SIPA1L1: variants seen among roughly 807,000 people sequenced by gnomAD.
The protein encoded by SIPA1L1 is signal-induced proliferation-associated 1-like protein 1.
A neutral mutation model predicts 162.7 loss-of-function variants in SIPA1L1; 26 were observed. That is an observed-to-expected ratio of 0.16 (90% CI 0.12 to 0.22). The LOEUF (loss-of-function observed/expected upper bound fraction) is 0.22, where lower values mean the gene tolerates loss of function less well. Among genes scored for constraint, SIPA1L1 ranks in the 10% least tolerant of loss-of-function variants. The pLI is 1.00. For missense variants in SIPA1L1, 1,874 were observed against 2,241.0 expected (o/e 0.84, Z 3.31); for synonymous variants, 829 against 837.4 (o/e 0.99, Z 0.17).
intron 2 of SIPA1L1, among the ~76,000 whole-genome samples, chr14:71,453,924 G>A (rs544496234): frequency 4.2e-5 from 6 of 143,806 alleles, no homozygotes; most frequent in Non-Finnish European, 8.9e-5. Flanking sequence ...AACCTGGGAG[G>A]CAAAAGTTGC....
chr14:71,546,812 C>CATGTAAAG, intron 4 of SIPA1L1, among the ~76,000 whole-genome samples: 1 of 152,124 alleles, frequency 6.6e-6, no homozygotes, highest in Non-Finnish European at 1.5e-5. Context: ...ATGGATGCTT[C>CATGTAAAG]CCTTGGACCT....
intron 4 of SIPA1L1, among the ~76,000 whole-genome samples, chr14:71,564,978 T>A (rs541673569): frequency 3.7e-4 from 57 of 152,310 alleles, no homozygotes; most frequent in African/African-American, 1.3e-3. Context: ...GCTGTTTCTG[T>A]CCCTATAAAG....
intron 2 of SIPA1L1, among the ~76,000 whole-genome samples, chr14:71,433,123 T>G (rs907052066): frequency 2.6e-5 from 4 of 152,210 alleles, no homozygotes; most frequent in African/African-American, 9.6e-5. Flanking sequence ...TATTCTGCTG[T>G]ATAGTGTTAG....
intron 2 of SIPA1L1, among the ~76,000 whole-genome samples, chr14:71,391,880 G>A (rs2040788769): frequency 6.6e-6 from 1 of 152,192 alleles, no homozygotes; most frequent in Non-Finnish European, 1.5e-5. Flanking sequence ...GTGTGTAGTA[G>A]TAGATCAAGG....
Position 71,624,192 on chromosome 14 carries a change from A to G in SIPA1L1, c.1774A>G (p.Thr592Ala). Residue 592 changes from threonine to alanine, a missense_variant, in exon 7 of 24, where the codon ACA becomes GCA. This residue lies in a region of SIPA1L1 where 685 missense variants were observed against 828.0 expected (regional missense o/e 0.83). Transcript: ENST00000381232. ...CCAGTGCCTGCGGTTGGCCTTCAACACACCCAAGGTCACAGAGCAGCTCAT... is the reference window on the plus strand; with the variant it reads ...CCAGTGCCTGCGGTTGGCCTTCAACGCACCCAAGGTCACAGAGCAGCTCAT... ...NVQCLRLAFN[T>A]PKVTEQLMKL... 1 of 1,614,060 alleles carries G rather than the reference A, an allele frequency of 6.2e-7. No homozygotes were observed.
chr14:71,543,947 A>ACATACGCACATG (rs2054773250), intron 4 of SIPA1L1, among the ~76,000 whole-genome samples: 1 of 150,366 alleles, frequency 6.7e-6, no homozygotes, highest in East Asian at 2.0e-4. Context: ...GTATATATAC[A>ACATACGCACATG]TATACGCACA....
chr14:71,622,796 C>T (rs747067804), intron 6 of SIPA1L1, among the ~76,000 whole-genome samples: 66 of 152,274 alleles, frequency 4.3e-4, no homozygotes, highest in Non-Finnish European at 6.6e-4. Flanking sequence ...CGTCCCCCTA[C>T]GAACACGTCC....
At position 71,698,974 on chromosome 14, in the gene SIPA1L1, C is replaced by T. The variant is rs905118158; in HGVS notation, c.3375-7C>T. ...GTTGACTTCATGTTTTTGTATTGCA[C>T]ATGCAGGCTGTCTCCTGGTTCGGAC... On this transcript the variant is annotated splice_region_variant and splice_polypyrimidine_tract_variant and intron_variant, in intron 13 of 23. Transcript: ENST00000381232. The T allele has an allele frequency of 3.1e-6, 5 of 1,614,012 alleles. No individual in the cohort carries two copies. The highest frequency in any genetic ancestry group is 4.2e-6 in the Non-Finnish European group (5 of 1,179,968).
At chr14:71,562,746 C>T (rs1234922160) in intron 4 of SIPA1L1, among the ~76,000 whole-genome samples, 3 of 152,092 alleles carry the variant, frequency 2.0e-5, no homozygotes, top group African/African-American at 4.8e-5. Context: ...CTTCCACTCC[C>T]GGGTTCAAGC....
At chr14:71,469,748 T>C (rs998683584) in intron 2 of SIPA1L1, among the ~76,000 whole-genome samples, 2 of 152,226 alleles carry the variant, frequency 1.3e-5, no homozygotes, top group Non-Finnish European at 2.9e-5. Flanking sequence ...GGGCAGTGTT[T>C]ATGAGGAGTA....
At chr14:71,473,431 A>G (rs1353366626) in intron 2 of SIPA1L1, among the ~76,000 whole-genome samples, 1 of 152,190 alleles carries the variant, frequency 6.6e-6, no homozygotes, top group Non-Finnish European at 1.5e-5. Flanking sequence ...TAGTTTCAGA[A>G]AGGTTTGTTC....
At chr14:71,332,573 C>G (rs984943280) in intron 2 of SIPA1L1, among the ~76,000 whole-genome samples, 1 of 152,004 alleles carries the variant, frequency 6.6e-6, no homozygotes, top group Non-Finnish European at 1.5e-5. Flanking sequence ...GGCTGTAATG[C>G]CTTTTGGTTA....
At chr14:71,736,154 G>A (rs573668142) in intron 22 of SIPA1L1, among the ~76,000 whole-genome samples, 48 of 152,312 alleles carry the variant, frequency 3.2e-4, no homozygotes, top group African/African-American at 3.6e-4. Context: ...TCAGCACTTC[G>A]GGAGGCCAAG....
chr14:71,712,550 G>A (rs369353337), intron 17 of SIPA1L1, among the ~76,000 whole-genome samples: 1 of 151,948 alleles, frequency 6.6e-6, no homozygotes, highest in East Asian at 1.9e-4. Context: ...TTAGTGGTAA[G>A]CCTAGGAGAG....
chr14:71,585,410 AT>A lies in SIPA1L1; in HGVS notation c.-302-2158del, dbSNP rs1263815231. Reference sequence around the variant, plus strand: ...TTTTGAATTGGTAAGAAATTTTTATATTTAAAAATAAGATTTTATAAACTCA... The same window carrying A: ...TTTTGAATTGGTAAGAAATTTTTATATTAAAAATAAGATTTTATAAACTCA... On this transcript the variant is annotated intron_variant, in intron 4 of 23. Coordinates refer to ENST00000381232, the MANE Select transcript of SIPA1L1 (RefSeq NM_001386936.1). 1.6e-4 allele frequency among the ~76,000 whole-genome samples: 25 copies of A among 152,290 alleles called. No individual in the cohort carries two copies. The South Asian group carries it at 4.8e-3, about 29-fold the overall frequency.
At chr14:71,730,027 T>C (rs2084618756) in intron 19 of SIPA1L1, 28 bp from the exon 20 acceptor site, 3 of 1,602,394 alleles carry the variant, frequency 1.9e-6, no homozygotes, top group African/African-American at 1.3e-5. Flanking sequence ...GAAAATTGAC[T>C]TTCTTTTGTC....
intron 12 of SIPA1L1, among the ~76,000 whole-genome samples, chr14:71,677,109 A>G (rs1237734406): frequency 3.3e-5 from 5 of 152,166 alleles, no homozygotes; most frequent in African/African-American, 9.7e-5. Flanking sequence ...AAGTGTTCCT[A>G]TTTCTCCACA....
intron 5 of SIPA1L1, among the ~76,000 whole-genome samples, chr14:71,605,615 G>C (rs1476563327): frequency 6.6e-6 from 1 of 152,190 alleles, no homozygotes; most frequent in African/African-American, 2.4e-5. Flanking sequence ...TAGTAGTATA[G>C]TCTCTGTATA....
chr14:71,335,091 G>C (rs1196982418), intron 2 of SIPA1L1, among the ~76,000 whole-genome samples: 2 of 152,162 alleles, frequency 1.3e-5, no homozygotes, highest in Non-Finnish European at 2.9e-5. Context: ...ACGAGCTCAG[G>C]AGATCAAGAC....
Sources: allele counts gnomAD v4.1 joint callset (sites outside exome capture counted in the v4.1 genomes callset), GRCh38; gene constraint gnomAD v4.1.1; regional missense constraint gnomAD v4.1.1; transcripts MANE v1.5; gene names NCBI Gene and HGNC (gene_info 2026-07-23, HGNC 2026-07-21).